DLGAP1: variants seen among roughly 807,000 people sequenced by gnomAD.
DLGAP1 encodes disks large-associated protein 1.
Under a neutral mutation model 90.8 loss-of-function variants are expected in DLGAP1, and 11 were observed. The observed-to-expected ratio is 0.12, with a 90% CI of 0.08 to 0.20. The LOEUF (loss-of-function observed/expected upper bound fraction) is 0.20, where lower values mean the gene tolerates loss of function less well. Among genes scored for constraint, DLGAP1 ranks in the 10% least tolerant of loss-of-function variants. The pLI, the probability that DLGAP1 is intolerant of heterozygous loss-of-function variation, is 1.00. For missense variants in DLGAP1, 1,050 were observed against 1,333.8 expected (o/e 0.79, Z 3.31); for synonymous variants, 558 against 540.7 (o/e 1.03, Z -0.44).
chr18:3,730,692 G>A (rs766171667), intron 6 of DLGAP1, among the ~76,000 whole-genome samples: 14 of 151,938 alleles, frequency 9.2e-5, no homozygotes, highest in Non-Finnish European at 1.9e-4. Flanking sequence ...CTGAAGTTGT[G>A]CTCCAGTAAT....
intron 7 of DLGAP1, among the ~76,000 whole-genome samples, chr18:3,628,899 T>C (rs2058413935): frequency 6.6e-6 from 1 of 152,232 alleles, no homozygotes; most frequent in Non-Finnish European, 1.5e-5. Flanking sequence ...TATAGATGGA[T>C]ATTTAGGGTT....
At chr18:3,967,285 G>A (rs765981536) in intron 3 of DLGAP1, among the ~76,000 whole-genome samples, 5 of 152,216 alleles carry the variant, frequency 3.3e-5, no homozygotes, top group African/African-American at 4.8e-5. Flanking sequence ...GGCACTGAGC[G>A]AATCAGCAAG....
chr18:3,981,292 C>A lies in DLGAP1; in HGVS notation c.-73+23824G>T, dbSNP rs9959336. ...GCAAGGAAAAGGACACACTTCAGCA[C>A]AACTCAGCACAGGGAGAAGTGACTA... On this transcript the variant is annotated intron_variant, in intron 3 of 12. Transcript: ENST00000315677. 8.5e-5 allele frequency among the ~76,000 whole-genome samples: 13 copies of A among 152,210 alleles called. 1 individual carries two copies. Among genetic ancestry groups the A allele is most frequent in the South Asian group, 6.2e-4 (3 of 4,830 alleles).
At chr18:4,389,392 C>T (rs996586258) in intron 1 of DLGAP1, among the ~76,000 whole-genome samples, 4 of 152,004 alleles carry the variant, frequency 2.6e-5, no homozygotes, top group Non-Finnish European at 5.9e-5. Flanking sequence ...CTTTAATGGG[C>T]ATAGAGTTTC....
chr18:3,771,912 TTCTC>T (rs1555662332), intron 5 of DLGAP1, among the ~76,000 whole-genome samples: 1 of 152,046 alleles, frequency 6.6e-6, no homozygotes, highest in Non-Finnish European at 1.5e-5. Flanking sequence ...TGAAAGAACA[TTCTC>T]TCCTCTCCCG....
intron 4 of DLGAP1, among the ~76,000 whole-genome samples, chr18:3,815,353 C>A (rs969591900): frequency 6.6e-6 from 1 of 150,824 alleles, no homozygotes; most frequent in Non-Finnish European, 1.5e-5. Flanking sequence ...TTCCAATGAT[C>A]TCCTAATGGA....
chr18:3,681,584 G>C lies in DLGAP1; in HGVS notation c.1591+47551C>G, dbSNP rs1016828757. On this transcript the variant is annotated intron_variant, in intron 7 of 12. Coordinates refer to ENST00000315677, the MANE Select transcript of DLGAP1 (RefSeq NM_004746.4). ...AAAAATCTGCAGATTCCTTATGCTT[G>C]GGTTCACATGAAATAAGTAACTTTC... Among the ~76,000 whole-genome samples, 3 of 152,072 alleles carry C rather than the reference G, an allele frequency of 2.0e-5. No individual in the cohort carries two copies. The East Asian group carries it at 5.8e-4, about 29-fold the overall frequency.
At chr18:3,724,653 G>A (rs927784556) in intron 7 of DLGAP1, among the ~76,000 whole-genome samples, 4 of 151,956 alleles carry the variant, frequency 2.6e-5, no homozygotes, top group African/African-American at 9.7e-5. Context: ...GCTGAGGTGG[G>A]AGGATCACTT....
At chr18:4,271,696 T>C (rs1160504353) in intron 1 of DLGAP1, among the ~76,000 whole-genome samples, 1 of 152,200 alleles carries the variant, frequency 6.6e-6, no homozygotes, top group Non-Finnish European at 1.5e-5. Flanking sequence ...GTTGTGAAAG[T>C]TTTTGGAGGT....
intron 3 of DLGAP1, among the ~76,000 whole-genome samples, chr18:3,920,032 T>C (rs532387370): frequency 2.6e-5 from 4 of 152,256 alleles, no homozygotes; most frequent in East Asian, 1.9e-4. Context: ...ACACCTTGAA[T>C]GTAAAAAAGC....
At chr18:3,742,949 TCTTCCTTCCTTCCTTCCTTCCTTCCTTC>T (rs143048862) in intron 5 of DLGAP1, among the ~76,000 whole-genome samples, 5 of 142,658 alleles carry the variant, frequency 3.5e-5, no homozygotes, top group Non-Finnish European at 7.6e-5. Flanking sequence ...TATCAATTTA[TCTTCCTTCCTTCCTTCCTTCCTTCCTTC>T]CTTCCTTCCT....
chr18:4,083,173 C>A (rs2075636839), intron 2 of DLGAP1, among the ~76,000 whole-genome samples: 1 of 152,168 alleles, frequency 6.6e-6, no homozygotes, highest in African/African-American at 2.4e-5. Context: ...CCCAATTATT[C>A]CACATAAGTG....
chr18:4,005,707 A>G (rs1199395072), intron 2 of DLGAP1, among the ~76,000 whole-genome samples: 1 of 152,068 alleles, frequency 6.6e-6, no homozygotes, highest in Non-Finnish European at 1.5e-5. Context: ...CTGCTCTGAT[A>G]GGAGCCTTCT....
Position 3,881,558 on chromosome 18 carries a change from C to G in DLGAP1, c.-72-1418G>C, listed in dbSNP as rs369574358. Among the ~76,000 whole-genome samples, 8 of 152,104 alleles carry G rather than the reference C, an allele frequency of 5.3e-5. No homozygotes were observed. In the East Asian group the frequency reaches 1.5e-3, roughly 29 times the overall value. ...CTCATTATGTACCCCGACCTAGTGT[C>G]GATCCAGCCATGTAAGCACACAGTA... is the stretch of plus-strand genomic sequence containing the variant. On this transcript the variant is annotated intron_variant, in intron 3 of 12. Coordinates refer to ENST00000315677, the MANE Select transcript of DLGAP1 (RefSeq NM_004746.4).
chr18:4,261,109 T>C (rs2078994210), intron 1 of DLGAP1, among the ~76,000 whole-genome samples: 2 of 152,222 alleles, frequency 1.3e-5, no homozygotes, highest in South Asian at 4.1e-4. Flanking sequence ...TTTCAAGTGG[T>C]ACATTGGTAT....
chr18:3,985,995 A>G (rs1568335226), intron 3 of DLGAP1: 1 of 152,164 alleles, frequency 6.6e-6, no homozygotes, highest in African/African-American at 2.4e-5. Flanking sequence ...TCCTAGCGCA[A>G]ATTCATAAGC....
intron 3 of DLGAP1, among the ~76,000 whole-genome samples, chr18:3,882,317 G>A (rs1027792205): frequency 7.9e-5 from 12 of 151,702 alleles, no homozygotes; most frequent in African/African-American, 2.4e-4. Context: ...TTGGAGAATC[G>A]CTTGAACCCA....
chr18:3,816,728 C>A (rs1160070352), intron 4 of DLGAP1, among the ~76,000 whole-genome samples: 2 of 152,178 alleles, frequency 1.3e-5, no homozygotes, highest in Non-Finnish European at 2.9e-5. Context: ...TTATGTAGCT[C>A]ACTCAGAGTT....
chr18:3,550,073 C>T (rs1156467624), intron 9 of DLGAP1, among the ~76,000 whole-genome samples: 2 of 151,914 alleles, frequency 1.3e-5, no homozygotes, highest in South Asian at 2.1e-4. Flanking sequence ...GCCACCATGC[C>T]CGGCTAATTT....
Sources: allele counts gnomAD v4.1 joint callset (sites outside exome capture counted in the v4.1 genomes callset), GRCh38; gene constraint gnomAD v4.1.1; transcripts MANE v1.5; gene names NCBI Gene and HGNC (gene_info 2026-07-23, HGNC 2026-07-21).